Variants in CSMD1 observed in about 807,000 individuals in gnomAD.
CSMD1 encodes CUB and sushi domain-containing protein 1.
CSMD1 carries 213 observed loss-of-function variants against 417.5 expected under a neutral mutation model. That is an observed-to-expected ratio of 0.51 (90% CI 0.46 to 0.57). CSMD1 has a LOEUF of 0.57. Ranked by LOEUF, CSMD1 falls within the 20% of genes least tolerant of loss-of-function variation. The pLI, the probability that CSMD1 is intolerant of heterozygous loss-of-function variation, is 0.00. For synonymous variants in CSMD1, 2,862 were observed against 1,736.8 expected (o/e 1.65, Z -16.11); for missense variants, 6,923 against 4,529.7 (o/e 1.53, Z -15.17).
chr8:3,622,249 T>G (rs1584975488), intron 7 of CSMD1, among the ~76,000 whole-genome samples: 1 of 152,334 alleles, frequency 6.6e-6, no homozygotes, highest in Admixed American at 6.5e-5. Flanking sequence ...ACAGGCTGGA[T>G]GTCTTCTATA....
At chr8:4,937,051 C>T (rs1807669009) in intron 1 of CSMD1, among the ~76,000 whole-genome samples, 1 of 151,978 alleles carries the variant, frequency 6.6e-6, no homozygotes, top group Admixed American at 6.6e-5. Context: ...TCTGTATGAA[C>T]AATTAAAAAT....
intron 2 of CSMD1, among the ~76,000 whole-genome samples, chr8:4,574,250 G>C (rs1799030185): frequency 6.6e-6 from 1 of 152,178 alleles, no homozygotes; most frequent in East Asian, 1.9e-4. Flanking sequence ...GGCCCTGGTG[G>C]TGTAGGCATC....
At chr8:3,886,386 G>A (rs115439501) in intron 5 of CSMD1, among the ~76,000 whole-genome samples, 2 of 152,288 alleles carry the variant, frequency 1.3e-5, no homozygotes, top group African/African-American at 2.4e-5. Flanking sequence ...GTGGCAAATT[G>A]GTTGTGTGCT....
chr8:3,808,080 T>C (rs1046320295), intron 5 of CSMD1, among the ~76,000 whole-genome samples: 1 of 152,166 alleles, frequency 6.6e-6, no homozygotes, highest in Non-Finnish European at 1.5e-5. Flanking sequence ...AGAAAATGGT[T>C]TGATTATAGA....
intron 1 of CSMD1, among the ~76,000 whole-genome samples, chr8:4,845,187 T>C (rs1801072823): frequency 6.6e-6 from 1 of 152,134 alleles, no homozygotes; most frequent in South Asian, 2.1e-4. Context: ...GTATAACACA[T>C]TATTACACAA....
At chr8:3,386,344 C>T (rs1347878838) in intron 18 of CSMD1, among the ~76,000 whole-genome samples, 2 of 152,154 alleles carry the variant, frequency 1.3e-5, no homozygotes, top group East Asian at 3.9e-4. Flanking sequence ...AACTCGACTC[C>T]CACCTACTCC....
chr8:3,789,828 G>T (rs1422038451), intron 5 of CSMD1, among the ~76,000 whole-genome samples: 2 of 149,906 alleles, frequency 1.3e-5, no homozygotes, highest in Non-Finnish European at 3.0e-5. Flanking sequence ...CCTCCCGGGG[G>T]TTGCACCATT....
intron 3 of CSMD1, among the ~76,000 whole-genome samples, chr8:4,147,038 T>G (rs926852365): frequency 6.6e-6 from 1 of 151,944 alleles, no homozygotes; most frequent in African/African-American, 2.4e-5. Context: ...TCGGGGGTTT[T>G]CTGGGCTTTT....
intron 3 of CSMD1, among the ~76,000 whole-genome samples, chr8:4,164,196 G>C (rs779124987): frequency 1.1e-5 from 1 of 93,458 alleles, no homozygotes; most frequent in African/African-American, 4.2e-5. Context: ...CAGGATTTTT[G>C]GAAGAAAAAA....
chr8:4,650,084 A>G (rs1803788711), intron 1 of CSMD1, among the ~76,000 whole-genome samples: 1 of 152,222 alleles, frequency 6.6e-6, no homozygotes, highest in African/African-American at 2.4e-5. Flanking sequence ...AGTCATAAAA[A>G]TATCAATGAC....
At chr8:4,914,717 T>A (rs796141054) in intron 1 of CSMD1, among the ~76,000 whole-genome samples, 1 of 152,136 alleles carries the variant, frequency 6.6e-6, no homozygotes, top group South Asian at 2.1e-4. Flanking sequence ...GTAATAAACA[T>A]GAGACGTTTT....
chr8:2,940,648 C>CA (rs1801805893), intron 69 of CSMD1, among the ~76,000 whole-genome samples: 1 of 152,130 alleles, frequency 6.6e-6, no homozygotes, highest in African/African-American at 2.4e-5. Context: ...ATATAGCCCC[C>CA]AATGCTACAT....
At chr8:4,676,923 G>T (rs118187644) in intron 1 of CSMD1, among the ~76,000 whole-genome samples, 47 of 146,470 alleles carry the variant, frequency 3.2e-4, no homozygotes, top group African/African-American at 1.1e-3. Context: ...TATATACATA[G>T]AGAGAGATGA....
intron 3 of CSMD1, among the ~76,000 whole-genome samples, chr8:4,191,574 A>G (rs755010370): frequency 6.6e-6 from 1 of 152,182 alleles, no homozygotes; most frequent in Non-Finnish European, 1.5e-5. Context: ...TACTTCATCC[A>G]TGAATCACTG....
chr8:4,125,481 C>T (rs1802709607), intron 3 of CSMD1, among the ~76,000 whole-genome samples: 1 of 152,192 alleles, frequency 6.6e-6, no homozygotes, highest in Non-Finnish European at 1.5e-5. Flanking sequence ...CCAAGCTGCG[C>T]CCCGGCCGCA....
intron 69 of CSMD1, 61 bp downstream of exon 69, chr8:2,942,411 T>C: frequency 7.0e-7 from 1 of 1,438,578 alleles, no homozygotes; most frequent in South Asian, 1.4e-5. Flanking sequence ...AGCATGCCCA[T>C]TACTTTAAAC....
At chr8:4,434,014 T>C (rs1276214210) in intron 2 of CSMD1, among the ~76,000 whole-genome samples, 1 of 152,070 alleles carries the variant, frequency 6.6e-6, no homozygotes, top group Non-Finnish European at 1.5e-5. Flanking sequence ...CTTCAATTCT[T>C]TTCAAAGATA....
At chr8:3,845,831 A>ATT (rs1001569564) in intron 5 of CSMD1, among the ~76,000 whole-genome samples, 1 of 149,960 alleles carries the variant, frequency 6.7e-6, no homozygotes, top group African/African-American at 2.4e-5. Context: ...CTTCTATTTA[A>ATT]TTTTTTTTTT....
At chr8:4,518,306 G>A (rs1803235120) in intron 2 of CSMD1, among the ~76,000 whole-genome samples, 1 of 152,086 alleles carries the variant, frequency 6.6e-6, no homozygotes, top group South Asian at 2.1e-4. Context: ...TGAGGTAAAA[G>A]CGCAAAGCTT....
Sources: gnomAD v4.1 joint callset for allele counts (sites outside exome capture counted in the v4.1 genomes callset) on GRCh38, gnomAD v4.1.1 for gene constraint, MANE v1.5 for transcripts, NCBI Gene and HGNC (gene_info 2026-07-23, HGNC 2026-07-21) for gene names.